PLA2R1: variants seen among roughly 807,000 people sequenced by gnomAD.
The protein encoded by PLA2R1 is secretory phospholipase A2 receptor.
Under a neutral mutation model 195.9 loss-of-function variants are expected in PLA2R1, and 158 were observed. The observed-to-expected ratio is 0.81, with a 90% CI of 0.71 to 0.92. PLA2R1 has a LOEUF of 0.92. Ranked by LOEUF, PLA2R1 falls within the 40% of genes least tolerant of loss-of-function variation. The probability of loss-of-function intolerance (pLI) is 0.00; values close to 1 mark genes in which losing one functional copy is unlikely to be tolerated. For synonymous variants in PLA2R1, 586 were observed against 598.2 expected (o/e 0.98, Z 0.30); for missense variants, 1,626 against 1,764.6 (o/e 0.92, Z 1.41).
intron 1 of PLA2R1, among the ~76,000 whole-genome samples, chr2:160,054,741 G>A (rs1695427797): frequency 6.6e-6 from 1 of 152,060 alleles, no homozygotes; most frequent in Non-Finnish European, 1.5e-5. Context: ...TGTTTATATG[G>A]TGTTCTTTTG....
intron 3 of PLA2R1, among the ~76,000 whole-genome samples, chr2:160,040,757 T>A (rs570198277): frequency 2.6e-5 from 4 of 152,350 alleles, no homozygotes; most frequent in African/African-American, 9.6e-5. Flanking sequence ...TAGTGCTTGT[T>A]GACTTACAGC....
At chr2:160,016,420 G>C (rs1282652291) in intron 9 of PLA2R1, among the ~76,000 whole-genome samples, 194 bp downstream of exon 9, 1 of 145,602 alleles carries the variant, frequency 6.9e-6, no homozygotes, top group Non-Finnish European at 1.5e-5. Context: ...CTGTGTAGAA[G>C]ATAGCAAGAC....
intron 13 of PLA2R1, among the ~76,000 whole-genome samples, chr2:159,983,190 G>A (rs571101608): frequency 2.0e-5 from 3 of 152,290 alleles, no homozygotes; most frequent in East Asian, 3.9e-4. Flanking sequence ...TTGAAACCAG[G>A]CTTCTGCAAT....
rs965846188 is a variant in PLA2R1, at chr2:160,029,103, G to T, written c.842-140C>A. 1.6e-5 allele frequency: 10 copies of T among 624,420 alleles called. No individual in the cohort carries two copies. The African/African-American group carries it at 1.6e-4, about 10-fold the overall frequency. The allele number at this position is 624,420 out of a possible 1,614,324, so 38.7% of individuals were successfully genotyped here. ...TGCACAGAATGCACGTGGTGCTTCT[G>T]AGTGATAAAGCAGGCTCCCACCATC... On this transcript the variant is annotated intron_variant, in intron 4 of 29. Transcript: ENST00000283243.
At chr2:159,999,357 T>TAA (rs1262057856) in intron 11 of PLA2R1, among the ~76,000 whole-genome samples, 14 of 2,426 alleles carry the variant, frequency 5.8e-3, no homozygotes, top group Non-Finnish European at 7.5e-3. Flanking sequence ...ATTTTTTTTT[T>TAA]TTTTTTTTTT....
chr2:160,000,349 C>G (rs139939072), intron 11 of PLA2R1, among the ~76,000 whole-genome samples: 9 of 152,278 alleles, frequency 5.9e-5, no homozygotes, highest in Non-Finnish European at 1.0e-4. Context: ...AAACTTCATG[C>G]AGGTTAGTCG....
rs192068054 is a variant in PLA2R1 at position 159,970,908 on chromosome 2, C to T, written c.2596-696G>A. ...ATAAGTGGGAGCTGAACAATGAGAA[C>T]ACATGGACACAGGGAGGGGAACATC... On this transcript the variant is annotated intron_variant, in intron 17 of 29. Transcript: ENST00000283243. Among the ~76,000 whole-genome samples the T allele has an allele frequency of 9.4e-3, 1,261 of 133,818 alleles. 13 individuals are homozygous for T. The highest frequency in any genetic ancestry group is 0.02 in the Admixed American group (212 of 10,672). The allele number at this position is 133,818 out of a possible 152,430, so 87.8% of individuals were successfully genotyped here.
intron 10 of PLA2R1, among the ~76,000 whole-genome samples, chr2:160,010,223 C>T (rs978951801): frequency 6.6e-6 from 1 of 152,200 alleles, no homozygotes; most frequent in Non-Finnish European, 1.5e-5. Flanking sequence ...TACCAATATT[C>T]TATGGCTGAT....
intron 13 of PLA2R1, among the ~76,000 whole-genome samples, chr2:159,982,947 T>C (rs563665054): frequency 6.6e-6 from 1 of 152,320 alleles, no homozygotes; most frequent in East Asian, 1.9e-4. Flanking sequence ...TCTATTGAAT[T>C]ATCCAACCAG....
chr2:160,042,345 G>A (rs372665295), intron 2 of PLA2R1, 147 bp from the exon 3 acceptor site: 2 of 612,748 alleles, frequency 3.3e-6, no homozygotes, highest in East Asian at 2.8e-5. Context: ...GGTCCTCACT[G>A]TCTCCTGTCA....
intron 3 of PLA2R1, among the ~76,000 whole-genome samples, chr2:160,041,521 G>A (rs1694517694): frequency 6.6e-6 from 1 of 152,202 alleles, no homozygotes; most frequent in Admixed American, 6.5e-5. Flanking sequence ...GTCAAGACGA[G>A]AATCCACTGT....
rs760398477 is a variant in PLA2R1 at position 160,013,402 on chromosome 2, G to A, written c.1552-27C>T. 5 of 1,315,842 alleles carry A rather than the reference G, an allele frequency of 3.8e-6. No individual in the cohort carries two copies. The African/African-American group carries it at 4.3e-5, about 11-fold the overall frequency. The allele number at this position is 1,315,842 out of a possible 1,614,324, so 81.5% of individuals were successfully genotyped here. On this transcript the variant is annotated intron_variant, in intron 9 of 29. Transcript: ENST00000283243. Reference sequence around the variant, plus strand: ...TTAAAAAGAATAAAAGGGAAATTAAGGACACAATCTCATTTAGTTAAATAC... The same window carrying A: ...TTAAAAAGAATAAAAGGGAAATTAAAGACACAATCTCATTTAGTTAAATAC...
At chr2:160,039,973 T>C (rs1418210963) in intron 3 of PLA2R1, among the ~76,000 whole-genome samples, 1 of 151,850 alleles carries the variant, frequency 6.6e-6, no homozygotes, top group Non-Finnish European at 1.5e-5. Context: ...GTCCCTAGTA[T>C]TAGAGCCATG....
chr2:160,016,851 C>T (rs887667238), intron 8 of PLA2R1, 139 bp from the exon 9 acceptor site: 5 of 604,758 alleles, frequency 8.3e-6, no homozygotes, highest in African/African-American at 1.9e-5. Flanking sequence ...TGCTTTGTCA[C>T]GGAAAGGGTT....
chr2:160,026,686 A>G (rs1693544584), intron 6 of PLA2R1, among the ~76,000 whole-genome samples: 1 of 152,194 alleles, frequency 6.6e-6, no homozygotes, highest in Non-Finnish European at 1.5e-5. Context: ...ACTAAATATG[A>G]TTTCACTGCT....
At chr2:159,977,211 G>T in intron 15 of PLA2R1, 73 bp downstream of exon 15, 1 of 1,080,264 alleles carries the variant, frequency 9.3e-7, no homozygotes, top group Non-Finnish European at 1.4e-6. Flanking sequence ...GTGGTTTGGG[G>T]TGTTTAAATT....
chr2:160,005,838 A>C lies in PLA2R1; in HGVS notation c.1665-17T>G. 1 of 1,581,684 alleles carries C rather than the reference A, an allele frequency of 6.3e-7. No individual in the cohort carries two copies. The highest frequency in any genetic ancestry group is 1.3e-5 in the African/African-American group (1 of 74,346). On this transcript the variant is annotated splice_polypyrimidine_tract_variant and intron_variant, in intron 10 of 29. Coordinates refer to ENST00000283243, the MANE Select transcript of PLA2R1 (RefSeq NM_007366.5). ...TGTTCAAACCTTAAAAGGGGAAAAA[A>C]GAAGTGGTTACATTAAGTTTCTGGG...
At chr2:160,032,306 T>C (rs1693903659) in intron 4 of PLA2R1, among the ~76,000 whole-genome samples, 1 of 152,200 alleles carries the variant, frequency 6.6e-6, no homozygotes, top group South Asian at 2.1e-4. Context: ...GTGACTAATT[T>C]TGTGATATTT....
chr2:159,929,648 G>C (rs1411080982), downstream of PLA2R1, among the ~76,000 whole-genome samples: 1 of 152,098 alleles, frequency 6.6e-6, no homozygotes, highest in African/African-American at 2.4e-5. Flanking sequence ...TCCCACTACT[G>C]GCTGTCTACC....
Sources: gnomAD v4.1 joint callset for allele counts (sites outside exome capture counted in the v4.1 genomes callset) on GRCh38, gnomAD v4.1.1 for gene constraint, MANE v1.5 for transcripts, NCBI Gene and HGNC (gene_info 2026-07-23, HGNC 2026-07-21) for gene names.